Variants in DDHD1 observed in about 807,000 individuals in gnomAD.
DDHD1 encodes the protein DDHD domain containing 1.
In DDHD1, 49 loss-of-function variants were observed where a neutral mutation model predicts 96.4. That is an observed-to-expected ratio of 0.51 (90% CI 0.40 to 0.64). The LOEUF (loss-of-function observed/expected upper bound fraction) is 0.64. Among genes scored for constraint, DDHD1 ranks in the 30% least tolerant of loss-of-function variants. The pLI is 0.00. For missense variants in DDHD1, 1,106 were observed against 1,161.2 expected (o/e 0.95, Z 0.69); for synonymous variants, 442 against 446.5 (o/e 0.99, Z 0.13).
Position 53,078,514 on chromosome 14 carries a change from T to A in DDHD1, c.1290-4667A>T, listed in dbSNP as rs149086741. Reference sequence around the variant, plus strand: ...TGTTGAGTTGTAAGAGTACTTTATATATCCTGGATCCTAGACCTTTATCAG... The same window carrying A: ...TGTTGAGTTGTAAGAGTACTTTATAAATCCTGGATCCTAGACCTTTATCAG... On this transcript the variant is annotated intron_variant, in intron 4 of 12. Coordinates refer to ENST00000673822, the MANE Select transcript of DDHD1 (RefSeq NM_001160148.2). 9.6e-4 allele frequency among the ~76,000 whole-genome samples: 146 copies of A among 152,314 alleles called. 3 individuals are homozygous for A. Among genetic ancestry groups the A allele is most frequent in the African/African-American group, 3.3e-3 (139 of 41,578 alleles).
intron 4 of DDHD1, among the ~76,000 whole-genome samples, chr14:53,081,570 A>G (rs1381939008): frequency 6.6e-6 from 1 of 152,228 alleles, no homozygotes; most frequent in Non-Finnish European, 1.5e-5. Context: ...TATTTGCATC[A>G]GTGAGGAGAG....
chr14:53,128,454 G>A (rs1302988792), intron 1 of DDHD1, among the ~76,000 whole-genome samples: 2 of 152,130 alleles, frequency 1.3e-5, no homozygotes, highest in East Asian at 3.9e-4. Context: ...GCCCTCACAT[G>A]GTGGAAGTGG....
intron 4 of DDHD1, among the ~76,000 whole-genome samples, chr14:53,076,366 G>C (rs1884960009): frequency 6.6e-6 from 1 of 152,162 alleles, no homozygotes; most frequent in South Asian, 2.1e-4. Context: ...AATAGCAAGA[G>C]AACTAAAATA....
At chr14:53,127,372 T>C (rs1889533239) in intron 1 of DDHD1, among the ~76,000 whole-genome samples, 1 of 152,210 alleles carries the variant, frequency 6.6e-6, no homozygotes, top group Non-Finnish European at 1.5e-5. Flanking sequence ...CCCCTTAACC[T>C]CTCTGAGCCT....
chr14:53,092,044 G>T, intron 3 of DDHD1, 112 bp from the exon 4 acceptor site: 1 of 1,020,070 alleles, frequency 9.8e-7, no homozygotes, highest in Non-Finnish European at 1.4e-6. Context: ...AAATTTCACT[G>T]GCTGTGGGGG....
rs575996949 is a variant in DDHD1, at chr14:53,146,562, C to A, written c.838+5699G>T. ...TTCACAATCTGTTGATGCTAAAAAG[C>A]GTACATAAAATATAATTACTTTTAC... On this transcript the variant is annotated intron_variant, in intron 1 of 12. Coordinates refer to ENST00000673822, the MANE Select transcript of DDHD1 (RefSeq NM_001160148.2). Among the ~76,000 whole-genome samples, 3 of 151,974 alleles carry A rather than the reference C, an allele frequency of 2.0e-5. No homozygotes were observed. The East Asian group carries it at 5.8e-4, about 29-fold the overall frequency.
chr14:53,087,211 G>A (rs1886053821), intron 4 of DDHD1, among the ~76,000 whole-genome samples: 1 of 151,988 alleles, frequency 6.6e-6, no homozygotes, highest in Admixed American at 6.6e-5. Context: ...GAATAATAAT[G>A]GGAGACTTTA....
intron 1 of DDHD1, among the ~76,000 whole-genome samples, chr14:53,107,047 G>A (rs953634606): frequency 7.3e-5 from 11 of 151,662 alleles, no homozygotes; most frequent in South Asian, 2.1e-4. Context: ...TATTCTCCAC[G>A]GGCACCTTGT....
intron 12 of DDHD1, chr14:53,048,797 G>A (rs891525645): frequency 4.6e-5 from 7 of 152,080 alleles, no homozygotes; most frequent in African/African-American, 9.7e-5. Flanking sequence ...CACAGTAGAC[G>A]GGAAGACAAA....
intron 4 of DDHD1, among the ~76,000 whole-genome samples, chr14:53,082,041 A>T (rs564824814): frequency 6.6e-6 from 1 of 152,206 alleles, no homozygotes; most frequent in Non-Finnish European, 1.5e-5. Flanking sequence ...ATATCTCATA[A>T]GAACTACTGA....
At chr14:53,143,908 G>T (rs530597995) in intron 1 of DDHD1, among the ~76,000 whole-genome samples, 1 of 152,230 alleles carries the variant, frequency 6.6e-6, no homozygotes, top group East Asian at 1.9e-4. Flanking sequence ...ACTCTTTGAA[G>T]AGGAACTTCT....
At chr14:53,089,719 A>T (rs1352629167) in intron 4 of DDHD1, among the ~76,000 whole-genome samples, 1 of 152,226 alleles carries the variant, frequency 6.6e-6, no homozygotes, top group Admixed American at 6.5e-5. Context: ...TTAAGGACTT[A>T]AATGTTAGAC....
In DDHD1 at chr14:53,100,815, CA is replaced by C. The variant is rs559769152; in HGVS notation, c.1012+2867del. Among the ~76,000 whole-genome samples the C allele has an allele frequency of 3.2e-3, 483 of 152,108 alleles. 2 individuals are homozygous for C. The highest frequency in any genetic ancestry group is 0.011 in the African/African-American group (467 of 41,502). Reference sequence around the variant, plus strand: ...TTTAAATTATTAAATGAGGTTTTTCCAGAAAGCCTTATGTGAATAATTCCAC... The same window carrying C: ...TTTAAATTATTAAATGAGGTTTTTCCGAAAGCCTTATGTGAATAATTCCAC... On this transcript the variant is annotated intron_variant, in intron 2 of 12. Transcript: ENST00000673822.
At chr14:53,073,681 G>A in intron 5 of DDHD1, 60 bp downstream of exon 5, 1 of 1,413,968 alleles carries the variant, frequency 7.1e-7, no homozygotes, top group Non-Finnish European at 9.7e-7. Flanking sequence ...AAAACTTTCT[G>A]CATTTATTTT....
intron 4 of DDHD1, among the ~76,000 whole-genome samples, chr14:53,075,507 C>T (rs1884878639): frequency 6.6e-6 from 1 of 152,114 alleles, no homozygotes; most frequent in Non-Finnish European, 1.5e-5. Context: ...CAGGTTGGTG[C>T]ATGAGGTTTA....
chr14:53,055,923 A>AC lies in DDHD1; in HGVS notation c.1993-12_1993-11insG. On this transcript the variant is annotated splice_polypyrimidine_tract_variant and intron_variant, in intron 9 of 12. Transcript: ENST00000673822. The stretch of plus-strand genomic sequence containing the variant: ...TTCTAATCTATAAGCCTTGATTTAA[A>AC]AAAAAAAATTCAAAGAAACACAGTG... 6.3e-7 allele frequency: 1 copy of AC among 1,594,402 alleles called. No individual in the cohort carries two copies. Among genetic ancestry groups the AC allele is most frequent in the Non-Finnish European group, 8.5e-7 (1 of 1,170,200 alleles).
At chr14:53,140,371 T>TA (rs370603653) in intron 1 of DDHD1, among the ~76,000 whole-genome samples, 19 of 152,222 alleles carry the variant, frequency 1.2e-4, no homozygotes, top group African/African-American at 4.6e-4. Flanking sequence ...CCGTCTCTAC[T>TA]AAAAATACAA....
chr14:53,082,809 A>G (rs1202221055), intron 4 of DDHD1, among the ~76,000 whole-genome samples: 1 of 151,896 alleles, frequency 6.6e-6, no homozygotes, highest in East Asian at 1.9e-4. Context: ...CCAATGCTGC[A>G]GTGCACTGGC....
intron 1 of DDHD1, among the ~76,000 whole-genome samples, chr14:53,127,150 A>G (rs1397977281): frequency 6.6e-6 from 1 of 152,270 alleles, no homozygotes; most frequent in Admixed American, 6.5e-5. Flanking sequence ...AAATTTATTT[A>G]GAAAATCATC....
Sources: allele counts gnomAD v4.1 joint callset (sites outside exome capture counted in the v4.1 genomes callset), GRCh38; gene constraint gnomAD v4.1.1; transcripts MANE v1.5; gene names NCBI Gene and HGNC (gene_info 2026-07-23, HGNC 2026-07-21).